The following WAC variants were observed in gnomAD, a reference collection of about 807,000 sequenced individuals.
The protein encoded by WAC is WW domain containing adaptor with coiled-coil, also known as WW domain-containing adapter protein with coiled-coil.
A neutral mutation model predicts 79.6 loss-of-function variants in WAC; 11 were observed. That is an observed-to-expected ratio of 0.14 (90% CI 0.09 to 0.23). WAC has a LOEUF of 0.23. WAC is among the 10% of genes least tolerant of loss of function. WAC has a pLI of 1.00. For missense variants in WAC, 728 were observed against 773.5 expected (o/e 0.94, Z 0.70); for synonymous variants, 304 against 276.9 (o/e 1.10, Z -0.97).
chr10:28,604,109 T>C (rs1036143351), intron 7 of WAC, among the ~76,000 whole-genome samples: 1 of 150,834 alleles, frequency 6.6e-6, no homozygotes, highest in Non-Finnish European at 1.5e-5. Context: ...TAAAATAAGT[T>C]TAAGTTAAAT....
intron 3 of WAC, among the ~76,000 whole-genome samples, chr10:28,569,574 C>T (rs1222353040): frequency 6.6e-6 from 1 of 152,124 alleles, no homozygotes; most frequent in African/African-American, 2.4e-5. Context: ...GAATCTGTTT[C>T]TGGAGCATAT....
chr10:28,595,878 A>G lies in WAC; in HGVS notation c.756A>G (p.Pro252=), dbSNP rs1840339166. ...SSTPVQHPIK[P]VVHPTATPST... is the part of the protein sequence containing the mutation. ...CGCCAGTACAGCACCCCATCAAACC[A>G]GTGGTTCATCCAACTGCTACCCCAA... Residue 252 remains proline, a synonymous_variant, in exon 7 of 14, where the codon CCA becomes CCG. Coordinates refer to ENST00000354911, the MANE Select transcript of WAC (RefSeq NM_016628.5). 1 of 1,614,020 alleles carries G rather than the reference A, an allele frequency of 6.2e-7. No individual in the cohort carries two copies. Among genetic ancestry groups the G allele is most frequent in the Non-Finnish European group, 8.5e-7 (1 of 1,180,010 alleles).
Position 28,621,899 on chromosome 10 carries a change from CAG to C in WAC, c.*2296_*2297del, listed in dbSNP as rs1353463974. The C allele has an allele frequency of 1.3e-5, 2 of 151,944 alleles. No individual in the cohort carries two copies. Among genetic ancestry groups the C allele is most frequent in the African/African-American group, 4.8e-5 (2 of 41,330 alleles). 9.4% of individuals were successfully genotyped at this position (151,944 alleles called of 1,614,324 possible). ...TAGTGAATTTTTTTTTTTCTTGAGA[CAG>C]AGTTTCACTCTTGTTGCCCAGGCTG... On this transcript the variant is annotated 3_prime_UTR_variant, in exon 14 of 14. Coordinates refer to ENST00000354911, the MANE Select transcript of WAC (RefSeq NM_016628.5).
intron 3 of WAC, among the ~76,000 whole-genome samples, chr10:28,566,439 A>G (rs1215630762): frequency 1.3e-5 from 2 of 152,226 alleles, no homozygotes; most frequent in East Asian, 3.8e-4. Context: ...GTGGCTATTG[A>G]TCTCAGACAG....
chr10:28,561,537 C>T (rs1290728343), intron 3 of WAC, among the ~76,000 whole-genome samples: 1 of 151,822 alleles, frequency 6.6e-6, no homozygotes, highest in Non-Finnish European at 1.5e-5. Context: ...TACATTAGAG[C>T]ACGTGTGTAT....
At chr10:28,610,871 T>G (rs1841205421) in intron 9 of WAC, 50 bp downstream of exon 9, 1 of 1,510,340 alleles carries the variant, frequency 6.6e-7, no homozygotes, top group South Asian at 1.3e-5. Context: ...TGATTTTGTT[T>G]TGGAATTAAT....
chr10:28,615,547 C>T (rs1254203610), intron 11 of WAC: 1 of 152,184 alleles, frequency 6.6e-6, no homozygotes, highest in African/African-American at 2.4e-5. Context: ...AACTGAAATT[C>T]ATTCAGAGCC....
At chr10:28,568,172 A>G (rs1838753949) in intron 3 of WAC, among the ~76,000 whole-genome samples, 1 of 152,222 alleles carries the variant, frequency 6.6e-6, no homozygotes, top group Admixed American at 6.5e-5. Context: ...ATAGAGGGCA[A>G]ATACAGAAAC....
chr10:28,603,644 A>G (rs950755995), intron 7 of WAC, among the ~76,000 whole-genome samples: 2 of 151,994 alleles, frequency 1.3e-5, no homozygotes, highest in African/African-American at 4.8e-5. Context: ...AAAATTATGT[A>G]TTTGTAGGCC....
In WAC at chr10:28,535,730, A is replaced by C; in HGVS notation, c.247A>C (p.Thr83Pro). ...TGHSKAKNVH[T>P]HRVRERDGGT... is the part of the protein sequence containing the mutation. ...TCACAGTAAGGCCAAAAATGTGCAT[A>C]CTCACAGAGTTAGAGAGAGGGATGG... is the stretch of plus-strand genomic sequence containing the variant. The change falls in exon 3 of 14, where the codon ACT becomes CCT. Residue 83 changes from threonine (T) to proline (P), a missense_variant. Around this residue, in one of 3 missense-constraint regions of WAC, gnomAD observed 648 missense variants for 661.5 expected, o/e 0.98. Coordinates refer to ENST00000354911, the MANE Select transcript of WAC (RefSeq NM_016628.5). The C allele has an allele frequency of 6.2e-7, 1 of 1,613,664 alleles. No homozygotes were observed. The highest frequency in any genetic ancestry group is 2.2e-5 in the East Asian group (1 of 44,852).
At chr10:28,590,340 G>A (rs1840024001) in intron 5 of WAC, among the ~76,000 whole-genome samples, 1 of 150,064 alleles carries the variant, frequency 6.7e-6, no homozygotes, top group African/African-American at 2.5e-5. Flanking sequence ...AAAAAATCTA[G>A]GATAGATAGG....
intron 4 of WAC, among the ~76,000 whole-genome samples, chr10:28,586,244 AG>A (rs1839816567): frequency 6.6e-6 from 1 of 152,180 alleles, no homozygotes. Context: ...TTTTATTTTC[AG>A]TATCAGATTA....
At chr10:28,606,370 TTTTA>T (rs1179391776) in intron 7 of WAC, among the ~76,000 whole-genome samples, 5 of 152,208 alleles carry the variant, frequency 3.3e-5, no homozygotes, top group African/African-American at 1.2e-4. Context: ...ACATTTATCG[TTTTA>T]TTTGAGTTTC....
intron 7 of WAC, among the ~76,000 whole-genome samples, chr10:28,600,416 T>A (rs2132738270): frequency 6.6e-6 from 1 of 152,278 alleles, no homozygotes; most frequent in Middle Eastern, 3.4e-3. Flanking sequence ...TAGATGGTCA[T>A]TAACTGGCAG....
chr10:28,608,281 T>C lies in WAC; in HGVS notation c.1015T>C (p.Ser339Pro). The change falls in exon 8 of 14, where the codon TCT becomes CCT. Residue 339 changes from serine (S) to proline (P), a missense_variant. By Grantham distance (74) the Ser-to-Pro change is moderately conservative. Transcript: ENST00000354911. ...GAACCCCACATCTGCACCTCCAACA[T>C]CTGCTTCAGCGGTCCCTGTTTCTCC... Reference protein sequence around the residue: ...GLNPTSAPPTSASAVPVSPVP... With the variant: ...GLNPTSAPPTPASAVPVSPVP... The C allele has an allele frequency of 6.2e-7, 1 of 1,614,208 alleles. No individual in the cohort carries two copies. Among genetic ancestry groups the C allele is most frequent in the Non-Finnish European group, 8.5e-7 (1 of 1,180,026 alleles).
intron 7 of WAC, among the ~76,000 whole-genome samples, chr10:28,602,817 C>G (rs1352478923): frequency 6.6e-6 from 1 of 152,098 alleles, no homozygotes; most frequent in Non-Finnish European, 1.5e-5. Context: ...TTTTATGCGT[C>G]TAGTCTTTGG....
At chr10:28,546,400 G>A (rs1167475523) in intron 3 of WAC, among the ~76,000 whole-genome samples, 1 of 152,206 alleles carries the variant, frequency 6.6e-6, no homozygotes, top group Non-Finnish European at 1.5e-5. Context: ...AGAAGTTGGG[G>A]TACAGAGTGA....
chr10:28,578,739 T>C (rs1839377236), intron 3 of WAC, among the ~76,000 whole-genome samples: 1 of 152,290 alleles, frequency 6.6e-6, no homozygotes, highest in African/African-American at 2.4e-5. Context: ...ATAGGTTGTG[T>C]CCTTCTCACC....
At chr10:28,619,004 C>T (rs956764711) in intron 13 of WAC, among the ~76,000 whole-genome samples, 1 of 152,142 alleles carries the variant, frequency 6.6e-6, no homozygotes, top group East Asian at 1.9e-4. Context: ...AAAGGCTGGG[C>T]GCGGTGGCTA....
Sources: gnomAD v4.1 joint callset for allele counts (sites outside exome capture counted in the v4.1 genomes callset) on GRCh38, gnomAD v4.1.1 for gene constraint, gnomAD v4.1.1 regional missense constraint, MANE v1.5 for transcripts, NCBI Gene and HGNC (gene_info 2026-07-23, HGNC 2026-07-21) for gene names.